APP: variants seen among roughly 807,000 people sequenced by gnomAD.
The protein encoded by APP is amyloid-beta precursor protein.
In APP, 31 loss-of-function variants were observed where a neutral mutation model predicts 101.4. The ratio of observed to expected loss-of-function variants is 0.31; its 90% CI spans 0.23 to 0.41. The LOEUF (loss-of-function observed/expected upper bound fraction) is 0.41, where lower values mean the gene tolerates loss of function less well. Among genes scored for constraint, APP ranks in the 10% least tolerant of loss-of-function variants. APP has a pLI of 1.00. For synonymous variants in APP, 366 were observed against 364.4 expected, an observed-to-expected ratio of 1.00 and a Z score of -0.05; for missense variants, 839 against 1,003.7, an observed-to-expected ratio of 0.84 and a Z score of 2.22.
chr21:26,030,592 T>A (rs2044775140), intron 5 of APP, among the ~76,000 whole-genome samples: 1 of 152,238 alleles, frequency 6.6e-6, no homozygotes, highest in African/African-American at 2.4e-5. Context: ...ATTGCTTTTT[T>A]AAAGGCTATC....
chr21:25,894,147 C>T (rs1047412694), intron 16 of APP, among the ~76,000 whole-genome samples: 1 of 152,104 alleles, frequency 6.6e-6, no homozygotes, highest in Non-Finnish European at 1.5e-5. Context: ...TCAGAAAAGA[C>T]TCATTTCAAA....
At chr21:25,988,203 C>T (rs1015374876) in intron 8 of APP, among the ~76,000 whole-genome samples, 6 of 151,984 alleles carry the variant, frequency 3.9e-5, no homozygotes, top group Admixed American at 2.0e-4. Flanking sequence ...CCACGAGACC[C>T]GCATGGCCAG....
At chr21:26,029,845 TG>T (rs2044743043) in intron 5 of APP, among the ~76,000 whole-genome samples, 1 of 152,200 alleles carries the variant, frequency 6.6e-6, no homozygotes, top group Non-Finnish European at 1.5e-5. Flanking sequence ...GTATGCGACC[TG>T]TAAGGCCTAA....
intron 1 of APP, among the ~76,000 whole-genome samples, chr21:26,141,753 C>A (rs767125106): frequency 1.3e-5 from 2 of 152,128 alleles, no homozygotes; most frequent in Non-Finnish European, 2.9e-5. Flanking sequence ...ACTTTTCTAT[C>A]GGTTCCAGTT....
chr21:26,015,498 A>G (rs901043865), intron 6 of APP, among the ~76,000 whole-genome samples: 5 of 152,238 alleles, frequency 3.3e-5, no homozygotes, highest in African/African-American at 9.6e-5. Flanking sequence ...GAATCTGGAC[A>G]GCTTGAGTTT....
intron 8 of APP, among the ~76,000 whole-genome samples, chr21:25,991,768 C>T (rs930510257): frequency 3.9e-5 from 6 of 152,218 alleles, no homozygotes; most frequent in African/African-American, 1.4e-4. Context: ...GCTACCACTG[C>T]ATAGTTAAGT....
chr21:25,904,680 G>A (rs1352291999), intron 15 of APP, among the ~76,000 whole-genome samples: 22 of 152,090 alleles, frequency 1.4e-4, no homozygotes, highest in Admixed American at 1.0e-3. Flanking sequence ...CATCTATCTG[G>A]GCTTCTGTTT....
rs140704749 is a variant in APP at position 26,079,511 on chromosome 21, A to G, written c.355+10432T>C. 2.8e-4 allele frequency among the ~76,000 whole-genome samples: 42 copies of G among 152,334 alleles called. No homozygotes were observed. In the East Asian group the frequency reaches 8.1e-3, roughly 29 times the overall value. On this transcript the variant is annotated intron_variant, in intron 3 of 17. Coordinates refer to ENST00000346798, the MANE Select transcript of APP (RefSeq NM_000484.4). ...TTCAGACCACCAGATCAGACATAACAGTATTAATTCCTCATACAGGGAGAA... is the reference window on the plus strand; with the variant it reads ...TTCAGACCACCAGATCAGACATAACGGTATTAATTCCTCATACAGGGAGAA...
At chr21:25,920,221 A>C (rs2039562174) in intron 13 of APP, among the ~76,000 whole-genome samples, 1 of 152,074 alleles carries the variant, frequency 6.6e-6, no homozygotes, top group Non-Finnish European at 1.5e-5. Context: ...AGAGCTCCTG[A>C]AGGAAGCACT....
intron 1 of APP, among the ~76,000 whole-genome samples, chr21:26,141,736 G>C (rs1265306532): frequency 1.3e-5 from 2 of 152,142 alleles, no homozygotes; most frequent in Non-Finnish European, 2.9e-5. Flanking sequence ...ACAACCCTAA[G>C]TTTGGTACTT....
intron 2 of APP, 25 bp from the exon 3 acceptor site, chr21:26,090,097 A>G (rs371015179): frequency 5.6e-6 from 9 of 1,613,550 alleles, no homozygotes; most frequent in African/African-American, 1.3e-5. Context: ...AAAAAGAATC[A>G]ATTGTTACTT....
intron 2 of APP, among the ~76,000 whole-genome samples, chr21:26,097,225 A>T (rs898811250): frequency 1.3e-5 from 2 of 152,136 alleles, no homozygotes; most frequent in African/African-American, 4.8e-5. Context: ...TGATCACTTT[A>T]TCTGATCCCT....
rs140862192 is a variant in APP, at chr21:26,163,065, T to TAA, written c.57+7497_57+7498dup. The stretch of plus-strand genomic sequence containing the variant: ...CAATGTAGTGAAACCCTGTCTCTAC[T>TAA]AAAAAAAAAAAAAACAAAAACAAAA... On this transcript the variant is annotated intron_variant, in intron 1 of 17. Transcript: ENST00000346798. Among the ~76,000 whole-genome samples, 115 of 123,502 alleles carry TAA rather than the reference T, an allele frequency of 9.3e-4. 1 individual carries two copies. The highest frequency in any genetic ancestry group is 1.9e-3 in the African/African-American group (63 of 33,232). The allele number at this position is 123,502 out of a possible 152,430, so 81.0% of individuals were successfully genotyped here.
intron 1 of APP, among the ~76,000 whole-genome samples, chr21:26,149,165 C>T (rs1312965374): frequency 6.6e-6 from 1 of 152,204 alleles, no homozygotes; most frequent in East Asian, 1.9e-4. Flanking sequence ...GGCTTGCTTA[C>T]TTAGGAGGCT....
chr21:26,002,391 C>CGTGT (rs1555841869), intron 6 of APP, among the ~76,000 whole-genome samples: 1 of 152,210 alleles, frequency 6.6e-6, no homozygotes, highest in Admixed American at 6.5e-5. Context: ...ATTGTGGATC[C>CGTGT]CATCAACTAT....
intron 11 of APP, among the ~76,000 whole-genome samples, chr21:25,967,851 G>A (rs1442448883): frequency 6.6e-6 from 1 of 152,204 alleles, no homozygotes; most frequent in Non-Finnish European, 1.5e-5. Context: ...TGAATGCTTA[G>A]CTTTAAGTAT....
At chr21:26,162,850 G>C (rs1036156388) in intron 1 of APP, among the ~76,000 whole-genome samples, 15 of 142,616 alleles carry the variant, frequency 1.1e-4, no homozygotes, top group African/African-American at 3.7e-4. Context: ...GGAAGCTAAT[G>C]AAAGCCAAAT....
At chr21:26,075,346 G>C (rs2830041) in intron 3 of APP, among the ~76,000 whole-genome samples, 57,944 of 151,954 alleles carry the variant, frequency 0.38, 12,095 homozygotes, top group African/African-American at 0.54. Context: ...TCAGCATCAT[G>C]CACTACTTAT....
At chr21:26,102,889 CAAAAAAAAAA>C (rs3084283) in intron 2 of APP, among the ~76,000 whole-genome samples, 1 of 63,090 alleles carries the variant, frequency 1.6e-5, no homozygotes, top group Non-Finnish European at 2.9e-5. Context: ...GACTCTGTCT[CAAAAAAAAAA>C]AAAAAAAAAA....
Sources: allele counts gnomAD v4.1 joint callset (sites outside exome capture counted in the v4.1 genomes callset), GRCh38; gene constraint gnomAD v4.1.1; transcripts MANE v1.5; gene names NCBI Gene and HGNC (gene_info 2026-07-23, HGNC 2026-07-21).